The following APC2 variants were observed in gnomAD, a reference collection of about 807,000 sequenced individuals.
APC2 encodes adenomatous polyposis coli protein 2.
APC2 carries 41 observed loss-of-function variants against 72.5 expected under a neutral mutation model. The ratio of observed to expected loss-of-function variants is 0.57; its 90% CI spans 0.44 to 0.73. The LOEUF is 0.73. Ranked by LOEUF, APC2 falls within the 30% of genes least tolerant of loss-of-function variation. The pLI is 0.00. For synonymous variants in APC2, 1,898 were observed against 1,612.0 expected (o/e 1.18, Z -4.25); for missense variants, 3,729 against 3,403.4 (o/e 1.10, Z -2.38).
At chr19:1,449,611 G>C (rs560844243), upstream of APC2, among the ~76,000 whole-genome samples, 20 of 152,214 alleles carry the variant, frequency 1.3e-4, no homozygotes, top group African/African-American at 4.3e-4. Context: ...CAGCGTCCCA[G>C]GTGCTCCCCA....
rs1293732912 is a variant in APC2, at chr19:1,471,684, G to C, written c.*1471G>C. 1 of 152,294 alleles carries C rather than the reference G, an allele frequency of 6.6e-6. No individual in the cohort carries two copies. Among genetic ancestry groups the C allele is most frequent in the Non-Finnish European group, 1.5e-5 (1 of 68,068 alleles). The allele number at this position is 152,294 out of a possible 1,614,324, so 9.4% of individuals were successfully genotyped here. On this transcript the variant is annotated 3_prime_UTR_variant, in exon 15 of 15. Coordinates refer to ENST00000590469, the MANE Select transcript of APC2 (RefSeq NM_005883.3). ...CTCAATGCCCCACGTGCCTTCTCCA[G>C]GAGGAACGAAGCAGGGTTTGAGGGT...
chr19:1,469,552 T>A lies in APC2; in HGVS notation c.6251T>A (p.Leu2084Gln). ...ACCACCTCCGAGAGCCCGTCCCGCC[T>A]GCCTGTGCGCGCGCCCGCCGCCCGG... The part of the protein sequence containing the change: ...RRTTSESPSR[L>Q]PVRAPAARPE... Residue 2084 changes from leucine (L) to glutamine (Q), a missense_variant, in exon 15 of 15, where the codon CTG (leucine) becomes CAG (glutamine). By Grantham distance (113) the Leu-to-Gln change is moderately radical. Transcript: ENST00000590469. 1 of 1,225,684 alleles carries A rather than the reference T, an allele frequency of 8.2e-7. No homozygotes were observed. The highest frequency in any genetic ancestry group is 1.0e-6 in the Non-Finnish European group (1 of 968,860). The allele number at this position is 1,225,684 out of a possible 1,614,324, so 75.9% of individuals were successfully genotyped here.
chr19:1,453,694 C>T (rs140771441), intron 4 of APC2, 83 bp downstream of exon 4: 26,185 of 1,497,256 alleles, frequency 0.017, 265 homozygotes, highest in Non-Finnish European at 0.022. Context: ...TTCGCCCACC[C>T]GCATATGTCT....
chr19:1,456,678 G>C (rs1026576762), intron 8 of APC2, among the ~76,000 whole-genome samples, 175 bp from the exon 9 acceptor site: 3 of 152,060 alleles, frequency 2.0e-5, no homozygotes, highest in African/African-American at 7.2e-5. Flanking sequence ...TGCCAGGTGA[G>C]GGGGGCCAGC....
intron 10 of APC2, among the ~76,000 whole-genome samples, chr19:1,458,995 T>G (rs1324171865): frequency 6.6e-6 from 1 of 151,268 alleles, no homozygotes; most frequent in Non-Finnish European, 1.5e-5. Flanking sequence ...CTTTACATCT[T>G]CAAACTCTGT....
Position 1,453,285 on chromosome 19 carries a change from G to A in APC2, c.180G>A (p.Glu60=). ...LKHLQGKLEQ[E]ARVLVSSGQT... Reference sequence around the variant, plus strand: ...ACCTACAGGGAAAACTGGAGCAGGAGGCCCGAGTGCTGGTGTCCTCGGGGC... The same window carrying A: ...ACCTACAGGGAAAACTGGAGCAGGAAGCCCGAGTGCTGGTGTCCTCGGGGC... Residue 60 remains glutamate, a synonymous_variant, in exon 3 of 15, where the codon GAG becomes GAA. Coordinates refer to ENST00000590469, the MANE Select transcript of APC2 (RefSeq NM_005883.3). 7 of 1,578,844 alleles carry A rather than the reference G, an allele frequency of 4.4e-6. No individual in the cohort carries two copies. In the South Asian group the frequency reaches 6.8e-5, roughly 15 times the overall value.
intron 3 of APC2, 22 bp from the exon 4 acceptor site, chr19:1,453,409 C>A (rs368648350): frequency 1.2e-6 from 2 of 1,607,140 alleles, no homozygotes; most frequent in South Asian, 2.2e-5. Flanking sequence ...CGCTGACCTC[C>A]GCCCTGTCCC....
chr19:1,461,522 C>A, intron 13 of APC2: 1 of 363,516 alleles, frequency 2.8e-6, no homozygotes, highest in Non-Finnish European at 5.1e-6. Context: ...CACTGCATTC[C>A]AGCCTGGGCC....
intron 14 of APC2, among the ~76,000 whole-genome samples, chr19:1,464,026 T>TTAGC (rs1380976964): frequency 1.3e-5 from 2 of 151,842 alleles, no homozygotes; most frequent in African/African-American, 4.8e-5. Context: ...AATACAAAAA[T>TTAGC]TAGCCAGTGG....
chr19:1,468,687 G>A lies in APC2; in HGVS notation c.5386G>A (p.Val1796Ile). 1 of 1,559,438 alleles carries A rather than the reference G, an allele frequency of 6.4e-7. No homozygotes were observed. Among genetic ancestry groups the A allele is most frequent in the East Asian group, 2.4e-5 (1 of 41,834 alleles). Residue 1796 changes from valine (V) to isoleucine (I), a missense_variant, in exon 15 of 15, where the codon GTC (valine) becomes ATC (isoleucine). By Grantham distance (29) the Val-to-Ile change is conservative (BLOSUM62 3). Coordinates refer to ENST00000590469, the MANE Select transcript of APC2 (RefSeq NM_005883.3). The stretch of plus-strand genomic sequence containing the variant: ...GCTCCGGGGACGAACAGTGATCTAC[G>A]TCCCCAGCCCGGCACCCCGTGCCCA... ...AVLRGRTVIY[V>I]PSPAPRAQPK...
chr19:1,453,696 C>G (rs1344081315), intron 4 of APC2, 85 bp downstream of exon 4: 6 of 1,489,456 alleles, frequency 4.0e-6, no homozygotes, highest in Non-Finnish European at 5.4e-6. Context: ...CGCCCACCCG[C>G]ATATGTCTCT....
rs772905617 is a variant in APC2 at position 1,467,108 on chromosome 19, C to G, written c.3807C>G (p.Asp1269Glu). 2 of 1,601,688 alleles carry G rather than the reference C, an allele frequency of 1.2e-6. No homozygotes were observed. Among genetic ancestry groups the G allele is most frequent in the East Asian group, 2.2e-5 (1 of 44,656 alleles). The stretch of plus-strand genomic sequence containing the variant: ...TGCGCTTTACCGTGGAGAAGCCAGA[C>G]GAGAACTTCTCGTGCGCCTCCAGCC... ...GSVRFTVEKP[D>E]ENFSCASSLS... Residue 1269 changes from aspartate to glutamate, a missense_variant, in exon 15 of 15, where the codon GAC becomes GAG. By Grantham distance (45) the Asp-to-Glu change is conservative (BLOSUM62 2). Coordinates refer to ENST00000590469, the MANE Select transcript of APC2 (RefSeq NM_005883.3).
At chr19:1,458,631 G>A (rs1239625214) in intron 10 of APC2, 3 of 154,418 alleles carry the variant, frequency 1.9e-5, no homozygotes, top group Non-Finnish European at 4.3e-5. Context: ...TTGAGCCCAG[G>A]AGGTTAAAGG....
Position 1,462,125 on chromosome 19 carries a change from G to A in APC2, c.1801G>A (p.Gly601Ser), listed in dbSNP as rs775501576. The change falls in exon 14 of 15, where the codon GGC (glycine) becomes AGC (serine). Residue 601 changes from glycine (G) to serine (S), a missense_variant. Transcript: ENST00000590469. ...CTCGCTGGCCATCATCGAGAGCGGC[G>A]GCGGCATCCTCCGCAATGTGTCCAG... ...SNSLAIIESG[G>S]GILRNVSSLV... is the part of the protein sequence containing the mutation. 6.8e-6 allele frequency: 11 copies of A among 1,612,354 alleles called. No homozygotes were observed. Among genetic ancestry groups the A allele is most frequent in the African/African-American group, 4.0e-5 (3 of 74,912 alleles).
upstream of APC2, among the ~76,000 whole-genome samples, chr19:1,447,414 G>C (rs1599123844): frequency 6.6e-6 from 1 of 152,176 alleles, no homozygotes; most frequent in African/African-American, 2.4e-5. Flanking sequence ...ACAGGGGTGG[G>C]GGAGTGAGCA....
Position 1,466,203 on chromosome 19 carries a change from G to A in APC2, c.2902G>A (p.Asp968Asn). The stretch of plus-strand genomic sequence containing the variant: ...TGGGCAGCCTCGGCCCAGCCGGCTT[G>A]ACCTTGACCTGCCCGGCTGCCAGGC... ...RCGQPRPSRLDLDLPGCQAEP... is the reference protein window; with the variant it reads ...RCGQPRPSRLNLDLPGCQAEP... The change falls in exon 15 of 15, where the codon GAC becomes AAC. Residue 968 changes from aspartate (D) to asparagine (N), a missense_variant. By Grantham distance (23) the Asp-to-Asn change is conservative (BLOSUM62 1). Coordinates refer to ENST00000590469, the MANE Select transcript of APC2 (RefSeq NM_005883.3). The A allele has an allele frequency of 1.3e-6, 2 of 1,555,204 alleles. No individual in the cohort carries two copies. The highest frequency in any genetic ancestry group is 1.7e-6 in the Non-Finnish European group (2 of 1,160,264).
At position 1,461,081 on chromosome 19, in the gene APC2, C is replaced by T; in HGVS notation, c.1566C>T (p.Ile522=). Residue 522 remains isoleucine, a synonymous_variant, in exon 13 of 15, where the codon ATC becomes ATT. Transcript: ENST00000590469. ...ILRNLSWRAD[I]NSKKVLREAG... is the part of the protein sequence containing the mutation. ...GGAACTTGTCCTGGAGGGCCGACAT[C>T]AACAGCAAGAAGGTGCTGAGGGAGG... is the stretch of plus-strand genomic sequence containing the variant. 1 of 1,613,860 alleles carries T rather than the reference C, an allele frequency of 6.2e-7. No homozygotes were observed. The highest frequency in any genetic ancestry group is 1.6e-4 in the Middle Eastern group (1 of 6,062).
At chr19:1,456,180 C>G (rs747412656) in intron 7 of APC2, 27 bp downstream of exon 7, 1 of 1,568,112 alleles carries the variant, frequency 6.4e-7, no homozygotes, top group Non-Finnish European at 8.6e-7. Flanking sequence ...AGCCAGGGAC[C>G]AGGGGTGGTG....
intron 8 of APC2, 111 bp from the exon 9 acceptor site, chr19:1,456,742 G>A: frequency 7.6e-7 from 1 of 1,322,116 alleles, no homozygotes; most frequent in Non-Finnish European, 1.0e-6. Flanking sequence ...TCCCCCAGGT[G>A]GGCGTGGGGC....
Sources: gnomAD v4.1 joint callset for allele counts (sites outside exome capture counted in the v4.1 genomes callset) on GRCh38, gnomAD v4.1.1 for gene constraint, MANE v1.5 for transcripts, NCBI Gene and HGNC (gene_info 2026-07-23, HGNC 2026-07-21) for gene names.